Variants in DNAJC25 observed in about 807,000 individuals in gnomAD.
The protein encoded by DNAJC25 is DnaJ heat shock protein family (Hsp40) member C25, also known as dnaJ homolog subfamily C member 25.
DNAJC25 carries 26 observed loss-of-function variants against 42.1 expected under a neutral mutation model. The observed-to-expected ratio is 0.62, with a 90% CI of 0.45 to 0.86. The LOEUF (loss-of-function observed/expected upper bound fraction) is 0.86, where lower values mean the gene tolerates loss of function less well. Among genes scored for constraint, DNAJC25 ranks in the 40% least tolerant of loss-of-function variants. The pLI is 0.00. For missense variants in DNAJC25, 404 were observed against 459.4 expected, an observed-to-expected ratio of 0.88 and a Z score of 1.10; for synonymous variants, 189 against 179.9, an observed-to-expected ratio of 1.05 and a Z score of -0.40.
At chr9:111,652,599 T>A (rs1182966103) in intron 3 of DNAJC25, among the ~76,000 whole-genome samples, 1 of 149,648 alleles carries the variant, frequency 6.7e-6, no homozygotes, top group Non-Finnish European at 1.5e-5. Context: ...TGGAGTGCAA[T>A]GGCATGATCT....
intron 1 of DNAJC25, among the ~76,000 whole-genome samples, chr9:111,645,965 G>A (rs1293832958): frequency 6.6e-6 from 1 of 152,008 alleles, no homozygotes; most frequent in Non-Finnish European, 1.5e-5. Flanking sequence ...TAAAGACAAG[G>A]TCTCACTATG....
chr9:111,633,628 G>A (rs908736228), intron 1 of DNAJC25, among the ~76,000 whole-genome samples: 5 of 152,140 alleles, frequency 3.3e-5, no homozygotes, highest in African/African-American at 1.2e-4. Flanking sequence ...GGCTTTGTAG[G>A]AGTGGAGATG....
chr9:111,649,116 A>C (rs1830609475), intron 2 of DNAJC25, among the ~76,000 whole-genome samples: 1 of 152,150 alleles, frequency 6.6e-6, no homozygotes, highest in South Asian at 2.1e-4. Flanking sequence ...AAAGAAAAAA[A>C]ATTTTTTAAA....
At chr9:111,645,344 T>C (rs1286011580) in intron 1 of DNAJC25, among the ~76,000 whole-genome samples, 5 of 151,732 alleles carry the variant, frequency 3.3e-5, no homozygotes, top group African/African-American at 1.2e-4. Context: ...AACCTCCACC[T>C]CCCAGGTTCA....
chr9:111,651,678 G>C (rs1830663132), intron 3 of DNAJC25, among the ~76,000 whole-genome samples: 1 of 152,008 alleles, frequency 6.6e-6, no homozygotes, highest in Non-Finnish European at 1.5e-5. Context: ...CTTGAGCTCA[G>C]GAGTTCGAGA....
At chr9:111,646,228 G>A (rs923399830) in intron 1 of DNAJC25, among the ~76,000 whole-genome samples, 4 of 152,128 alleles carry the variant, frequency 2.6e-5, no homozygotes, top group African/African-American at 9.7e-5. Context: ...AGAACAAATC[G>A]TGACCTGGTT....
At position 111,631,369 on chromosome 9, in the gene DNAJC25, A is replaced by C; in HGVS notation, c.-39A>C. On this transcript the variant is annotated 5_prime_UTR_variant, in exon 1 of 4. Coordinates refer to ENST00000313525, the MANE Select transcript of DNAJC25 (RefSeq NM_001015882.3). ...AGCCGGGCGCGCGGCTGAGTGCTGC[A>C]GAATCGCTGGGGTGGCAGAGCCGCC... 7.9e-7 allele frequency: 1 copy of C among 1,272,466 alleles called. No individual in the cohort carries two copies. The highest frequency in any genetic ancestry group is 1.5e-5 in the African/African-American group (1 of 64,524). 78.8% of individuals were successfully genotyped at this position (1,272,466 alleles called of 1,614,324 possible). A position where few individuals can be genotyped will look rare whatever the true frequency, so the allele number is the denominator to read the frequency against.
At chr9:111,634,059 G>A (rs1038415987) in intron 1 of DNAJC25, among the ~76,000 whole-genome samples, 1 of 152,114 alleles carries the variant, frequency 6.6e-6, no homozygotes, top group African/African-American at 2.4e-5. Flanking sequence ...CCCCCAGAAC[G>A]CCCACTGTCT....
chr9:111,639,703 A>G (rs1426695471), intron 1 of DNAJC25, among the ~76,000 whole-genome samples: 1 of 147,882 alleles, frequency 6.8e-6, no homozygotes, highest in African/African-American at 2.5e-5. Flanking sequence ...GTGTGTGTGT[A>G]TGGGTGTGTG....
rs2131252159 is a variant in DNAJC25 at position 111,631,594 on chromosome 9, G to C, written c.187G>C (p.Ala63Pro). 1 of 1,477,604 alleles carries C rather than the reference G, an allele frequency of 6.8e-7. No individual in the cohort carries two copies. The highest frequency in any genetic ancestry group is 1.5e-5 in the African/African-American group (1 of 68,268). The allele number at this position is 1,477,604 out of a possible 1,614,324, so 91.5% of individuals were successfully genotyped here. A position where few individuals can be genotyped will look rare whatever the true frequency, so the allele number is the denominator to read the frequency against. Residue 63 changes from alanine to proline, a missense_variant, in exon 1 of 4, where the codon GCG (alanine) becomes CCG (proline). Physicochemically the swap from Ala to Pro is conservative, Grantham distance 27 (BLOSUM62 -1). Transcript: ENST00000313525. Reference sequence around the variant, plus strand: ...GGGCGTGAGCCGCTCGGCGGGCAAGGCGGAGATCGCGCGGGCCTACCGCCA... The same window carrying C: ...GGGCGTGAGCCGCTCGGCGGGCAAGCCGGAGATCGCGCGGGCCTACCGCCA... ...VLGVSRSAGK[A>P]EIARAYRQLA...
At chr9:111,644,518 A>G (rs540401360) in intron 1 of DNAJC25, among the ~76,000 whole-genome samples, 19 of 152,354 alleles carry the variant, frequency 1.2e-4, no homozygotes, top group Non-Finnish European at 2.4e-4. Context: ...GTCACTGGAC[A>G]CATGATGTCC....
Position 111,653,093 on chromosome 9 carries a change from CT to C in DNAJC25, c.961-5del. 1 of 1,583,728 alleles carries C rather than the reference CT, an allele frequency of 6.3e-7. No individual in the cohort carries two copies. Among genetic ancestry groups the C allele is most frequent in the Non-Finnish European group, 8.6e-7 (1 of 1,164,206 alleles). ...TTGTGAAGTCATCTAGTTATTTATACTTACAGGTCTACAAGCAAGAACAAGA... is the reference window on the plus strand; with the variant it reads ...TTGTGAAGTCATCTAGTTATTTATACTACAGGTCTACAAGCAAGAACAAGA... On this transcript the variant is annotated splice_region_variant and splice_polypyrimidine_tract_variant and intron_variant, in intron 3 of 3. Coordinates refer to ENST00000313525, the MANE Select transcript of DNAJC25 (RefSeq NM_001015882.3).
chr9:111,646,914 A>G (rs1458491708), intron 1 of DNAJC25, 193 bp from the exon 2 acceptor site: 10 of 483,398 alleles, frequency 2.1e-5, no homozygotes, highest in East Asian at 7.1e-5. Context: ...ATGCTTTTAT[A>G]TCTAACATTG....
intron 2 of DNAJC25, among the ~76,000 whole-genome samples, chr9:111,647,713 C>T (rs565140680): frequency 6.6e-6 from 1 of 152,306 alleles, no homozygotes; most frequent in East Asian, 1.9e-4. Flanking sequence ...TCTGTGTGCC[C>T]CTTTAAGGGT....
In DNAJC25 at chr9:111,631,662, C is replaced by G; in HGVS notation, c.255C>G (p.Pro85=). The change falls in exon 1 of 4, where the codon CCC becomes CCG. Residue 85 remains proline (P), a synonymous_variant. Transcript: ENST00000313525. ...ACCCTGACCGCTACCGGCCCCAGCC[C>G]GGAGACGAGGGCCCCGGGCGGACGC... is the stretch of plus-strand genomic sequence containing the variant. ...RYHPDRYRPQ[P]GDEGPGRTPQ... 1 of 1,520,860 alleles carries G rather than the reference C, an allele frequency of 6.6e-7. No individual in the cohort carries two copies. 94.2% of individuals were successfully genotyped at this position (1,520,860 alleles called of 1,614,324 possible).
intron 1 of DNAJC25, among the ~76,000 whole-genome samples, chr9:111,639,951 C>CATG (rs1830424377): frequency 6.6e-6 from 1 of 150,648 alleles, no homozygotes. Context: ...TCTCCGTCTC[C>CATG]GTCTCCGTCT....
Position 111,642,616 on chromosome 9 carries a change from AAT to A in DNAJC25, c.337-4489_337-4488del, listed in dbSNP as rs1564085001. Among the ~76,000 whole-genome samples the A allele has an allele frequency of 1.5e-3, 167 of 115,078 alleles. 2 individuals are homozygous for A. Among genetic ancestry groups the A allele is most frequent in the African/African-American group, 6.7e-3 (145 of 21,484 alleles). The allele number at this position is 115,078 out of a possible 152,430, so 75.5% of individuals were successfully genotyped here. ...CCCAAGAATTATCAATAAATAAATA[AAT>A]AAATAAATAAATAAATAAATAAATA... is the stretch of plus-strand genomic sequence containing the variant. On this transcript the variant is annotated intron_variant, in intron 1 of 3. Transcript: ENST00000313525.
intron 1 of DNAJC25, 70 bp downstream of exon 1, chr9:111,631,813 G>A: frequency 6.9e-7 from 1 of 1,447,822 alleles, no homozygotes; most frequent in Non-Finnish European, 9.0e-7. Context: ...TCCGACCCCG[G>A]TCCGCGGAGC....
rs1234163108 is a variant in DNAJC25 at position 111,631,725 on chromosome 9, C to A, written c.318C>A (p.Thr106=). 2.0e-6 allele frequency: 3 copies of A among 1,520,182 alleles called. No individual in the cohort carries two copies. The African/African-American group carries it at 4.3e-5, about 22-fold the overall frequency. 94.2% of individuals were successfully genotyped at this position (1,520,182 alleles called of 1,614,324 possible). ...AGGAGGCTTTCCTGCTGGTGGCAAC[C>A]GCCTACGAGACACTCAAGGTGAGGC... is the stretch of plus-strand genomic sequence containing the variant. ...SAEEAFLLVA[T]AYETLKDEET... is the part of the protein sequence containing the mutation. Residue 106 remains threonine (T), a synonymous_variant, in exon 1 of 4, where the codon ACC becomes ACA. Transcript: ENST00000313525.
Sources: allele counts gnomAD v4.1 joint callset (sites outside exome capture counted in the v4.1 genomes callset), GRCh38; gene constraint gnomAD v4.1.1; transcripts MANE v1.5; gene names NCBI Gene and HGNC (gene_info 2026-07-23, HGNC 2026-07-21).